Variants in VPS13B observed in about 807,000 individuals in gnomAD.
VPS13B encodes the protein intermembrane lipid transfer protein VPS13B.
In VPS13B, 285 loss-of-function variants were observed where a neutral mutation model predicts 426.4. That is an observed-to-expected ratio of 0.67 (90% CI 0.61 to 0.74). VPS13B has a LOEUF of 0.74. Ranked by LOEUF, VPS13B falls within the 30% of genes least tolerant of loss-of-function variation. The pLI is 0.00. For missense variants in VPS13B, 4,537 were observed against 4,782.6 expected, an observed-to-expected ratio of 0.95 and a Z score of 1.51; for synonymous variants, 1,676 against 1,676.4, an observed-to-expected ratio of 1.00 and a Z score of 0.01.
intron 17 of VPS13B, among the ~76,000 whole-genome samples, chr8:99,262,888 T>C (rs2132955061): frequency 6.6e-6 from 1 of 152,150 alleles, no homozygotes; most frequent in South Asian, 2.1e-4. Context: ...TCCTCCCACC[T>C]CAGCCTCCCA....
chr8:99,050,590 A>T (rs1040077559), intron 3 of VPS13B, among the ~76,000 whole-genome samples: 1 of 152,176 alleles, frequency 6.6e-6, no homozygotes. Flanking sequence ...CTAGTTCTAG[A>T]TCCCTGAGGA....
intron 40 of VPS13B, 40 bp downstream of exon 40, chr8:99,767,010 A>G: frequency 6.3e-7 from 1 of 1,593,372 alleles, no homozygotes; most frequent in Non-Finnish European, 8.6e-7. Flanking sequence ...TTACACTGGG[A>G]AACAATGATA....
At chr8:99,462,514 C>T (rs951773611) in intron 23 of VPS13B, among the ~76,000 whole-genome samples, 2 of 152,036 alleles carry the variant, frequency 1.3e-5, no homozygotes, top group African/African-American at 4.8e-5. Context: ...AGGTATTCTT[C>T]CTATGTACAG....
chr8:99,075,643 C>T (rs1845078353), intron 3 of VPS13B, among the ~76,000 whole-genome samples: 1 of 152,076 alleles, frequency 6.6e-6, no homozygotes, highest in Non-Finnish European at 1.5e-5. Context: ...ATTTCATTTC[C>T]TTTAGGTTTT....
Position 99,420,749 on chromosome 8 carries a change from G to A in VPS13B, c.3083-10788G>A, listed in dbSNP as rs567029593. On this transcript the variant is annotated intron_variant, in intron 21 of 61. Transcript: ENST00000357162. ...AAAGTTATACCATGAAGAATGTTAC[G>A]TTATACAGAATTAAGTCAGAATTCT... Among the ~76,000 whole-genome samples the A allele has an allele frequency of 3.3e-5, 5 of 152,104 alleles. No homozygotes were observed. In the South Asian group the frequency reaches 6.2e-4, roughly 19 times the overall value.
chr8:99,752,615 G>A (rs186348583), intron 39 of VPS13B, among the ~76,000 whole-genome samples: 5 of 152,252 alleles, frequency 3.3e-5, no homozygotes, highest in African/African-American at 1.2e-4. Context: ...ATATGAGGAA[G>A]CTTTGTAAAA....
chr8:99,201,440 A>G (rs1814318685), intron 17 of VPS13B, among the ~76,000 whole-genome samples: 1 of 152,164 alleles, frequency 6.6e-6, no homozygotes, highest in African/African-American at 2.4e-5. Context: ...GCAATAACAA[A>G]TTTAACTTCA....
At chr8:99,252,252 G>C (rs1370263120) in intron 17 of VPS13B, among the ~76,000 whole-genome samples, 2 of 151,892 alleles carry the variant, frequency 1.3e-5, no homozygotes, top group African/African-American at 2.4e-5. Flanking sequence ...CACAAATTTT[G>C]ATACATTATA....
At chr8:99,043,788 T>C (rs928515359) in intron 3 of VPS13B, among the ~76,000 whole-genome samples, 6 of 152,190 alleles carry the variant, frequency 3.9e-5, no homozygotes, top group African/African-American at 1.2e-4. Flanking sequence ...TTTTTAACTC[T>C]GTCATCCTTA....
chr8:99,226,777 A>G (rs920865246), intron 17 of VPS13B, among the ~76,000 whole-genome samples: 18 of 152,320 alleles, frequency 1.2e-4, no homozygotes, highest in Admixed American at 4.6e-4. Context: ...AATATTTTAC[A>G]TATTTATGTG....
intron 33 of VPS13B, among the ~76,000 whole-genome samples, chr8:99,593,834 A>C (rs1275918716): frequency 6.6e-6 from 1 of 152,112 alleles, no homozygotes; most frequent in Non-Finnish European, 1.5e-5. Context: ...ACATGTTCTC[A>C]CTTATCAGTG....
intron 2 of VPS13B, among the ~76,000 whole-genome samples, chr8:99,029,134 C>T (rs537579093): frequency 6.6e-6 from 1 of 150,378 alleles, no homozygotes; most frequent in South Asian, 2.1e-4. Flanking sequence ...CCTCACATCC[C>T]AGACAGGGCG....
chr8:99,725,408 G>A (rs1433378585), intron 39 of VPS13B, among the ~76,000 whole-genome samples: 1 of 152,212 alleles, frequency 6.6e-6, no homozygotes, highest in Non-Finnish European at 1.5e-5. Context: ...TCATATGAGC[G>A]CAAACCCTAT....
At chr8:99,043,928 C>T (rs1304571681) in intron 3 of VPS13B, among the ~76,000 whole-genome samples, 1 of 152,106 alleles carries the variant, frequency 6.6e-6, no homozygotes, top group East Asian at 1.9e-4. Context: ...TCCTTCACTT[C>T]AATCTCTCAT....
chr8:99,163,365 T>C (rs1811787084), intron 15 of VPS13B, among the ~76,000 whole-genome samples: 1 of 152,188 alleles, frequency 6.6e-6, no homozygotes, highest in Non-Finnish European at 1.5e-5. Flanking sequence ...GGGCTGCAGG[T>C]GGAGCTGCCT....
chr8:99,668,260 G>A (rs1393393056), intron 35 of VPS13B, among the ~76,000 whole-genome samples: 2 of 151,808 alleles, frequency 1.3e-5, no homozygotes, highest in Admixed American at 6.6e-5. Context: ...GAGAGCCGAG[G>A]TGGGAGGATT....
chr8:99,564,356 T>A (rs1825085318), intron 31 of VPS13B, among the ~76,000 whole-genome samples: 1 of 152,184 alleles, frequency 6.6e-6, no homozygotes, highest in South Asian at 2.1e-4. Context: ...CCAACCCTCC[T>A]GAAGCACTTG....
At chr8:99,871,063 C>T (rs1382154181) in intron 60 of VPS13B, 176 bp downstream of exon 60, 2 of 705,088 alleles carry the variant, frequency 2.8e-6, no homozygotes, top group Admixed American at 4.4e-5. Flanking sequence ...GCTGCTGTTG[C>T]CAGGTTTGGG....
intron 19 of VPS13B, among the ~76,000 whole-genome samples, chr8:99,285,183 G>A (rs1414064851): frequency 1.3e-5 from 2 of 151,960 alleles, no homozygotes; most frequent in African/African-American, 2.4e-5. Context: ...ACCTAGTTTC[G>A]TTATTCTCCT....
Sources: allele counts gnomAD v4.1 joint callset (sites outside exome capture counted in the v4.1 genomes callset), GRCh38; gene constraint gnomAD v4.1.1; transcripts MANE v1.5; gene names NCBI Gene and HGNC (gene_info 2026-07-23, HGNC 2026-07-21).